The following TRHDE variants were observed in gnomAD, a reference collection of about 807,000 sequenced individuals.
The protein encoded by TRHDE is thyrotropin-releasing hormone-degrading ectoenzyme.
Under a neutral mutation model 125.7 loss-of-function variants are expected in TRHDE, and 72 were observed. The observed-to-expected ratio is 0.57, with a 90% CI of 0.47 to 0.70. The LOEUF (loss-of-function observed/expected upper bound fraction) is 0.70. TRHDE is among the 30% of genes least tolerant of loss of function. TRHDE has a pLI of 0.00. For missense variants in TRHDE, 1,110 were observed against 1,327.1 expected (o/e 0.84, Z 2.54); for synonymous variants, 509 against 509.1 (o/e 1.00, Z 0.00).
chr12:72,291,778 A>G (rs1880097082), intron 2 of TRHDE, among the ~76,000 whole-genome samples: 1 of 152,196 alleles, frequency 6.6e-6, no homozygotes, highest in African/African-American at 2.4e-5. Context: ...CAAATACTAT[A>G]CCATTTATAT....
At chr12:72,403,198 G>A (rs1382904086) in intron 3 of TRHDE, among the ~76,000 whole-genome samples, 1 of 152,148 alleles carries the variant, frequency 6.6e-6, no homozygotes, top group Non-Finnish European at 1.5e-5. Flanking sequence ...AATGTGGCAA[G>A]GACCGAGATA....
Position 72,668,879 on chromosome 12 carries a change from T to C in TRHDE, c.*5684T>C, listed in dbSNP as rs1043960540. On this transcript the variant is annotated 3_prime_UTR_variant, in exon 19 of 19. Transcript: ENST00000261180. ...GCCCTCAGCATGTATGAAAACATAA[T>C]GTTTATCCGTACAGACCATTCTCTA... The C allele has an allele frequency of 5.3e-5, 8 of 151,806 alleles. No individual in the cohort carries two copies. Among genetic ancestry groups the C allele is most frequent in the African/African-American group, 1.9e-4 (8 of 41,404 alleles). 9.4% of individuals were successfully genotyped at this position (151,806 alleles called of 1,614,324 possible). A position where few individuals can be genotyped will look rare whatever the true frequency, so the allele number is the denominator to read the frequency against.
chr12:72,211,115 CTCTG>C (rs932693081), intron 2 of TRHDE, among the ~76,000 whole-genome samples: 13 of 152,126 alleles, frequency 8.5e-5, no homozygotes, highest in African/African-American at 2.9e-4. Flanking sequence ...AACAGGAACC[CTCTG>C]TCTTTTTTCT....
At chr12:72,433,022 A>G (rs1457401883) in intron 3 of TRHDE, among the ~76,000 whole-genome samples, 1 of 152,174 alleles carries the variant, frequency 6.6e-6, no homozygotes, top group Non-Finnish European at 1.5e-5. Context: ...AAAGGGTGCT[A>G]GATATTTTCA....
chr12:72,512,081 G>A (rs557949184), intron 6 of TRHDE, among the ~76,000 whole-genome samples: 1 of 152,066 alleles, frequency 6.6e-6, no homozygotes, highest in South Asian at 2.1e-4. Context: ...TGCAATGTTG[G>A]TTTTGACTCT....
intron 6 of TRHDE, among the ~76,000 whole-genome samples, chr12:72,536,474 A>G (rs1456744271): frequency 6.6e-6 from 1 of 152,078 alleles, no homozygotes; most frequent in Non-Finnish European, 1.5e-5. Context: ...AAACACATTC[A>G]TCCACACCAG....
chr12:72,487,857 A>G (rs190082758), intron 5 of TRHDE, among the ~76,000 whole-genome samples: 1 of 152,262 alleles, frequency 6.6e-6, no homozygotes, highest in Non-Finnish European at 1.5e-5. Flanking sequence ...TAAAAGATGT[A>G]AATTGTGACA....
chr12:72,142,743 G>T (rs1876144969), intron 2 of TRHDE, among the ~76,000 whole-genome samples: 1 of 152,116 alleles, frequency 6.6e-6, no homozygotes, highest in Non-Finnish European at 1.5e-5. Context: ...ATGGCAGAAT[G>T]ACATGGCAGA....
chr12:72,184,488 A>G (rs1877161255), intron 2 of TRHDE, among the ~76,000 whole-genome samples: 1 of 152,188 alleles, frequency 6.6e-6, no homozygotes, highest in Non-Finnish European at 1.5e-5. Flanking sequence ...ACCAGAACTA[A>G]TCAAGAAGAA....
At chr12:72,482,424 G>A in intron 5 of TRHDE, among the ~76,000 whole-genome samples, 1 of 151,942 alleles carries the variant, frequency 6.6e-6, no homozygotes, top group African/African-American at 2.4e-5. Context: ...CAAAATCATA[G>A]AATAATCAGA....
At chr12:72,186,157 T>G (rs918960744) in intron 2 of TRHDE, 2 of 153,092 alleles carry the variant, frequency 1.3e-5, no homozygotes, top group African/African-American at 4.8e-5. Context: ...ATCTTGCTAG[T>G]GCTCACTCTT....
intron 2 of TRHDE, among the ~76,000 whole-genome samples, chr12:72,199,825 T>A (rs1343500949): frequency 6.6e-6 from 1 of 152,212 alleles, no homozygotes; most frequent in East Asian, 1.9e-4. Context: ...GGTCTCTATA[T>A]ACCAGTGCAT....
At chr12:72,585,319 T>G (rs7315407) in intron 12 of TRHDE, among the ~76,000 whole-genome samples, 40,413 of 152,166 alleles carry the variant, frequency 0.27, 8,168 homozygotes, top group African/African-American at 0.54. Flanking sequence ...ATTGGTAAGA[T>G]CATTGGCTAT....
At chr12:72,637,038 C>A (rs1229503601) in intron 15 of TRHDE, among the ~76,000 whole-genome samples, 3 of 152,104 alleles carry the variant, frequency 2.0e-5, no homozygotes, top group African/African-American at 7.2e-5. Context: ...AGGGAGGATT[C>A]CCTCTTTTTC....
chr12:72,218,411 T>C (rs940092992), intron 2 of TRHDE, among the ~76,000 whole-genome samples: 8 of 152,142 alleles, frequency 5.3e-5, no homozygotes, highest in Non-Finnish European at 8.8e-5. Flanking sequence ...AGACCATATA[T>C]TCCTACAATT....
At chr12:72,627,654 T>C (rs1438116756) in intron 15 of TRHDE, among the ~76,000 whole-genome samples, 1 of 151,922 alleles carries the variant, frequency 6.6e-6, no homozygotes, top group Non-Finnish European at 1.5e-5. Context: ...AGTCTACATA[T>C]GGGTAATGGC....
chr12:72,619,928 TC>T (rs1168389888), intron 13 of TRHDE, among the ~76,000 whole-genome samples: 1 of 152,142 alleles, frequency 6.6e-6, no homozygotes, highest in Non-Finnish European at 1.5e-5. Flanking sequence ...CAGAATTCCT[TC>T]CTTTTTATTT....
chr12:72,404,441 AAAAACAAAAC>A (rs955598080), intron 3 of TRHDE, among the ~76,000 whole-genome samples: 1 of 152,158 alleles, frequency 6.6e-6, no homozygotes, highest in African/African-American at 2.4e-5. Context: ...TTCTGTCTCA[AAAAACAAAAC>A]AAAACAAAAC....
At chr12:72,368,086 A>C (rs1346633889) in intron 2 of TRHDE, among the ~76,000 whole-genome samples, 2 of 152,194 alleles carry the variant, frequency 1.3e-5, no homozygotes, top group Non-Finnish European at 2.9e-5. Context: ...CAACTACCAC[A>C]ATTCATTTTT....
Sources: gnomAD v4.1 joint callset for allele counts (sites outside exome capture counted in the v4.1 genomes callset) on GRCh38, gnomAD v4.1.1 for gene constraint, MANE v1.5 for transcripts, NCBI Gene and HGNC (gene_info 2026-07-23, HGNC 2026-07-21) for gene names.